CLASP2: variants seen among roughly 807,000 people sequenced by gnomAD.
CLASP2 encodes the protein CLIP-associating protein 2.
A neutral mutation model predicts 194.4 loss-of-function variants in CLASP2; 47 were observed. The observed-to-expected ratio is 0.24, with a 90% CI of 0.19 to 0.31. The LOEUF (loss-of-function observed/expected upper bound fraction) is 0.31. CLASP2 is among the 10% of genes least tolerant of loss of function. CLASP2 has a pLI of 1.00. For missense variants in CLASP2, 1,445 were observed against 1,823.6 expected (o/e 0.79, Z 3.78); for synonymous variants, 619 against 633.5 (o/e 0.98, Z 0.34).
At chr3:33,519,694 G>GC (rs2052416203) in intron 34 of CLASP2, among the ~76,000 whole-genome samples, 1 of 151,890 alleles carries the variant, frequency 6.6e-6, no homozygotes, top group Non-Finnish European at 1.5e-5. Context: ...TACTGCTTTA[G>GC]TTTTTTTTCT....
Position 33,551,404 on chromosome 3 carries a change from GA to G in CLASP2, c.3010-10del, listed in dbSNP as rs968763801. ...AGGATAGCAACCTTCACCTGCAGAG[GA>G]AAGCACAAAGAGAAAGGACAGAAAG... On this transcript the variant is annotated splice_polypyrimidine_tract_variant and intron_variant, in intron 29 of 38. Transcript: ENST00000682230. 2 of 1,610,318 alleles carry G rather than the reference GA, an allele frequency of 1.2e-6. No individual in the cohort carries two copies. Among genetic ancestry groups the G allele is most frequent in the African/African-American group, 2.7e-5 (2 of 74,932 alleles).
At chr3:33,645,194 G>T in intron 7 of CLASP2, 3 of 754,350 alleles carry the variant, frequency 4.0e-6, no homozygotes, top group Admixed American at 1.8e-5. Context: ...TCATGTTTTT[G>T]CTACTCTGCA....
chr3:33,652,452 C>G (rs576504925), intron 7 of CLASP2, among the ~76,000 whole-genome samples: 2 of 152,176 alleles, frequency 1.3e-5, no homozygotes, highest in Admixed American at 1.3e-4. Flanking sequence ...GCTTTTACAA[C>G]GGGAAGCTCT....
rs1477690550 is a variant in CLASP2 at position 33,688,274 on chromosome 3, T to C, written c.470+3A>G. Reference sequence around the variant, plus strand: ...AGTTATTTTCAGTAATCATAAAACTTACATGTTTAAGGTTTCAATAAGACA... The same window carrying C: ...AGTTATTTTCAGTAATCATAAAACTCACATGTTTAAGGTTTCAATAAGACA... On this transcript the variant is annotated splice_donor_region_variant and intron_variant, in intron 4 of 38. Transcript: ENST00000682230. 3 of 1,548,082 alleles carry C rather than the reference T, an allele frequency of 1.9e-6. No homozygotes were observed. Among genetic ancestry groups the C allele is most frequent in the Middle Eastern group, 1.7e-4 (1 of 5,890 alleles).
At chr3:33,534,798 A>G (rs936474753) in intron 34 of CLASP2, among the ~76,000 whole-genome samples, 4 of 152,278 alleles carry the variant, frequency 2.6e-5, no homozygotes, top group African/African-American at 7.2e-5. Flanking sequence ...CCTAATGGTA[A>G]CTTTCCTTAT....
intron 10 of CLASP2, 110 bp from the exon 11 acceptor site, chr3:33,622,390 A>AT: frequency 5.6e-5 from 41 of 732,598 alleles, no homozygotes; most frequent in Non-Finnish European, 8.0e-5. Flanking sequence ...AAACATATAT[A>AT]ATGTTTCATT....
chr3:33,526,091 T>C (rs1188910266), intron 34 of CLASP2, among the ~76,000 whole-genome samples: 4 of 152,038 alleles, frequency 2.6e-5, no homozygotes, highest in Non-Finnish European at 5.9e-5. Flanking sequence ...TTTTTTTTTT[T>C]TTTAATTTAT....
chr3:33,625,525 A>C (rs80227031), intron 10 of CLASP2, among the ~76,000 whole-genome samples: 1 of 151,456 alleles, frequency 6.6e-6, no homozygotes, highest in South Asian at 2.1e-4. Context: ...AAAAAAAAAA[A>C]GCAAGTTTCT....
rs574131623 is a variant in CLASP2, at chr3:33,681,827, G to A, written c.644+2532C>T. ...TTGGAGGTGAGACCTAATGGGAGGT[G>A]TTTGGGTCATGGGTGTGGATCCTTC... On this transcript the variant is annotated intron_variant, in intron 6 of 38. Transcript: ENST00000682230. Among the ~76,000 whole-genome samples the A allele has an allele frequency of 2.0e-5, 3 of 152,342 alleles. No homozygotes were observed. The East Asian group carries it at 5.8e-4, about 29-fold the overall frequency.
chr3:33,668,894 G>A (rs1009754478), intron 6 of CLASP2, among the ~76,000 whole-genome samples: 9 of 152,144 alleles, frequency 5.9e-5, no homozygotes, highest in South Asian at 2.1e-4. Flanking sequence ...TACCCACTTC[G>A]AGGAGGGAGA....
At chr3:33,622,105 A>G in intron 11 of CLASP2, 30 bp downstream of exon 11, 1 of 1,492,506 alleles carries the variant, frequency 6.7e-7, no homozygotes, top group Non-Finnish European at 9.0e-7. Context: ...CATTCATAAA[A>G]AACACTTATC....
intron 1 of CLASP2, among the ~76,000 whole-genome samples, chr3:33,697,143 G>GTTA (rs1263633370): frequency 2.6e-5 from 4 of 152,110 alleles, no homozygotes; most frequent in African/African-American, 9.7e-5. Context: ...GTGTAAACAG[G>GTTA]AAGATAGCAA....
chr3:33,622,750 C>G (rs1342179180), intron 10 of CLASP2, among the ~76,000 whole-genome samples: 1 of 151,960 alleles, frequency 6.6e-6, no homozygotes, highest in Non-Finnish European at 1.5e-5. Flanking sequence ...ACTAAGGGAG[C>G]CTATTTTTAA....
chr3:33,713,639 G>A (rs1029046815), intron 1 of CLASP2, among the ~76,000 whole-genome samples: 1 of 151,916 alleles, frequency 6.6e-6, no homozygotes, highest in Admixed American at 6.6e-5. Context: ...CTAGCACACA[G>A]CCCTGCACTA....
At position 33,543,427 on chromosome 3, in the gene CLASP2, T is replaced by C; in HGVS notation, c.3404+6A>G. ...AAACCATCATGAAAAATCATCCTTT[T>C]ATTACCTTGGAGATAAAGTATTCTG... On this transcript the variant is annotated splice_donor_region_variant and intron_variant, in intron 32 of 38. Coordinates refer to ENST00000682230, the MANE Select transcript of CLASP2 (RefSeq NM_001365631.1). 6.7e-7 allele frequency: 1 copy of C among 1,501,132 alleles called. No individual in the cohort carries two copies. The highest frequency in any genetic ancestry group is 9.3e-7 in the Non-Finnish European group (1 of 1,077,244). 93.0% of individuals were successfully genotyped at this position (1,501,132 alleles called of 1,614,324 possible).
chr3:33,659,793 C>G (rs951662083), intron 7 of CLASP2: 1 of 152,158 alleles, frequency 6.6e-6, no homozygotes, highest in Admixed American at 6.6e-5. Context: ...GAAGGCAGGC[C>G]CTGGAGCTCA....
chr3:33,717,969 G>C lies in CLASP2; in HGVS notation c.34C>G (p.Gln12Glu). The part of the protein sequence containing the change: ...EPRSMEYFCA[Q>E]VQQKDVGGRL... ...CCGCCGACGTCCTTCTGCTGCACCT[G>C]GGCGCAGAAGTACTCCATGCTGCGG... The change falls in exon 1 of 39, where the codon CAG (glutamine) becomes GAG (glutamate). Residue 12 changes from glutamine (Q) to glutamate (E), a missense_variant. Coordinates refer to ENST00000682230, the MANE Select transcript of CLASP2 (RefSeq NM_001365631.1). The C allele has an allele frequency of 2.6e-6, 4 of 1,541,374 alleles. No individual in the cohort carries two copies. The highest frequency in any genetic ancestry group is 2.6e-6 in the Non-Finnish European group (3 of 1,145,730).
intron 34 of CLASP2, among the ~76,000 whole-genome samples, chr3:33,529,966 C>T (rs1379169681): frequency 9.0e-6 from 1 of 111,660 alleles, no homozygotes; most frequent in Non-Finnish European, 1.6e-5. Context: ...GGCTGGGCGA[C>T]AGAGCGAGAC....
chr3:33,632,989 T>C (rs2079381443), intron 8 of CLASP2, among the ~76,000 whole-genome samples: 1 of 152,192 alleles, frequency 6.6e-6, no homozygotes, highest in Non-Finnish European at 1.5e-5. Flanking sequence ...ATTTTAATGG[T>C]TTCCTCTCCT....
Sources: allele counts gnomAD v4.1 joint callset (sites outside exome capture counted in the v4.1 genomes callset), GRCh38; gene constraint gnomAD v4.1.1; transcripts MANE v1.5; gene names NCBI Gene and HGNC (gene_info 2026-07-23, HGNC 2026-07-21).